GRK3: variants seen among roughly 807,000 people sequenced by gnomAD.
GRK3 encodes the protein G protein-coupled receptor kinase 3.
Under a neutral mutation model 95.7 loss-of-function variants are expected in GRK3, and 54 were observed. The observed-to-expected ratio is 0.56, with a 90% CI of 0.45 to 0.71. The LOEUF (loss-of-function observed/expected upper bound fraction) is 0.71. Ranked by LOEUF, GRK3 falls within the 30% of genes least tolerant of loss-of-function variation. The pLI is 0.00. For missense variants in GRK3, 649 were observed against 851.2 expected (o/e 0.76, Z 2.96); for synonymous variants, 281 against 290.8 (o/e 0.97, Z 0.34).
chr22:25,655,194 AC>A (rs1490303965), intron 3 of GRK3, among the ~76,000 whole-genome samples: 1 of 152,116 alleles, frequency 6.6e-6, no homozygotes, highest in African/African-American at 2.4e-5. Flanking sequence ...CCAAACAGTT[AC>A]CCATTTCCCA....
At chr22:25,590,762 G>A (rs1466879403) in intron 1 of GRK3, among the ~76,000 whole-genome samples, 6 of 152,012 alleles carry the variant, frequency 3.9e-5, no homozygotes, top group African/African-American at 7.2e-5. Context: ...TGGAGGTTGC[G>A]CCACTGCACT....
chr22:25,663,576 T>A, intron 4 of GRK3, 54 bp from the exon 5 acceptor site: 1 of 1,178,436 alleles, frequency 8.5e-7, no homozygotes, highest in East Asian at 2.5e-5. Context: ...TTATATAACA[T>A]ACACAGATTG....
intron 1 of GRK3, among the ~76,000 whole-genome samples, chr22:25,573,916 AAACCAACC>A (rs71191073): frequency 0.11 from 17,278 of 151,622 alleles, 1,326 homozygotes; most frequent in Non-Finnish European, 0.17. Context: ...AGAAACAAAA[AAACCAACC>A]AACCAACCAA....
chr22:25,608,751 C>T (rs573826856), intron 2 of GRK3, among the ~76,000 whole-genome samples: 18 of 152,276 alleles, frequency 1.2e-4, no homozygotes, highest in African/African-American at 4.1e-4. Context: ...GATAAGAACC[C>T]GGGCTGACCG....
chr22:25,654,027 A>G (rs982483470), intron 3 of GRK3, among the ~76,000 whole-genome samples: 5 of 152,306 alleles, frequency 3.3e-5, no homozygotes, highest in Middle Eastern at 3.4e-3. Context: ...AAAATAGATC[A>G]TGTGCTGAGT....
intron 3 of GRK3, among the ~76,000 whole-genome samples, chr22:25,654,018 A>G (rs1412406652): frequency 6.6e-6 from 1 of 152,196 alleles, no homozygotes; most frequent in African/African-American, 2.4e-5. Flanking sequence ...TGGAGCATCA[A>G]AATAGATCAT....
chr22:25,714,523 T>C lies in GRK3; in HGVS notation c.1607T>C (p.Ile536Thr), dbSNP rs2085368247. The part of the protein sequence containing the change: ...YEAVNADTDK[I>T]EARKRAKNKQ... ...GCAGTAAATGCAGACACAGATAAAA[T>C]CGAGGCCAGGAAGAGAGCTAAAAAT... Residue 536 changes from isoleucine (I) to threonine (T), a missense_variant, in exon 18 of 21, where the codon ATC (isoleucine) becomes ACC (threonine). Around this residue, in one of 3 missense-constraint regions of GRK3, gnomAD observed 382 missense variants for 493.8 expected, o/e 0.77. Transcript: ENST00000324198. The C allele has an allele frequency of 6.2e-7, 1 of 1,612,870 alleles. No homozygotes were observed. Among genetic ancestry groups the C allele is most frequent in the Non-Finnish European group, 8.5e-7 (1 of 1,179,620 alleles).
chr22:25,666,982 A>G (rs2084946229), intron 5 of GRK3, among the ~76,000 whole-genome samples: 1 of 152,200 alleles, frequency 6.6e-6, no homozygotes, highest in South Asian at 2.1e-4. Context: ...GTAAAGTGGC[A>G]TGAAGTTGAA....
intron 1 of GRK3, among the ~76,000 whole-genome samples, chr22:25,595,434 TA>T (rs2084366081): frequency 1.3e-5 from 2 of 152,182 alleles, no homozygotes; most frequent in African/African-American, 4.8e-5. Flanking sequence ...TACTTAGGAA[TA>T]CATCAAATTA....
chr22:25,719,706 G>C (rs576508775), intron 19 of GRK3, among the ~76,000 whole-genome samples: 1 of 118,174 alleles, frequency 8.5e-6, no homozygotes, highest in East Asian at 3.2e-4. Flanking sequence ...GGGTGGGGGG[G>C]GGGCCTGGTG....
intron 2 of GRK3, among the ~76,000 whole-genome samples, chr22:25,609,216 G>A (rs2084476125): frequency 6.6e-6 from 1 of 152,122 alleles, no homozygotes; most frequent in Non-Finnish European, 1.5e-5. Flanking sequence ...TATGAAGTGA[G>A]GCACATGGCA....
At chr22:25,647,650 G>A (rs1353057043) in intron 3 of GRK3, 24 of 1,437,498 alleles carry the variant, frequency 1.7e-5, no homozygotes, top group Non-Finnish European at 2.4e-5. Flanking sequence ...AGACTGGTGG[G>A]AAGCAAGATC....
chr22:25,715,944 C>T (rs2085380488), intron 18 of GRK3, among the ~76,000 whole-genome samples: 1 of 152,182 alleles, frequency 6.6e-6, no homozygotes, highest in African/African-American at 2.4e-5. Flanking sequence ...TCTTTTAACT[C>T]TGTTTACCTC....
intron 1 of GRK3, among the ~76,000 whole-genome samples, chr22:25,566,965 TC>T (rs1479689669): frequency 2.0e-5 from 3 of 152,108 alleles, no homozygotes; most frequent in African/African-American, 7.2e-5. Flanking sequence ...GTTTTTTTTT[TC>T]TTGGTGTTTG....
chr22:25,647,450 G>T (rs2084793647), intron 3 of GRK3: 1 of 1,307,984 alleles, frequency 7.6e-7, no homozygotes, highest in Non-Finnish European at 1.1e-6. Context: ...ACCATTTGGA[G>T]GATCCTCAGG....
At chr22:25,711,621 A>C (rs1325570002) in intron 17 of GRK3, among the ~76,000 whole-genome samples, 3 of 152,002 alleles carry the variant, frequency 2.0e-5, no homozygotes, top group African/African-American at 7.3e-5. Context: ...AATCCTCTGC[A>C]TTTTTCGAAC....
At chr22:25,638,171 G>A (rs187454496) in intron 2 of GRK3, among the ~76,000 whole-genome samples, 97 of 152,294 alleles carry the variant, frequency 6.4e-4, no homozygotes, top group Non-Finnish European at 1.1e-3. Flanking sequence ...ACTAGTCTGC[G>A]TACAATGGAA....
At chr22:25,713,025 G>C (rs1411955832) in intron 17 of GRK3, among the ~76,000 whole-genome samples, 1 of 152,210 alleles carries the variant, frequency 6.6e-6, no homozygotes, top group Non-Finnish European at 1.5e-5. Flanking sequence ...GTAAACATAA[G>C]TTCTTTTTTA....
At chr22:25,718,631 T>C (rs1352356866) in intron 19 of GRK3, among the ~76,000 whole-genome samples, 4 of 152,194 alleles carry the variant, frequency 2.6e-5, no homozygotes, top group African/African-American at 9.7e-5. Context: ...ATCAGATGGA[T>C]TTGAAGAAGG....
Sources: gnomAD v4.1 joint callset for allele counts (sites outside exome capture counted in the v4.1 genomes callset) on GRCh38, gnomAD v4.1.1 for gene constraint, gnomAD v4.1.1 regional missense constraint, MANE v1.5 for transcripts, NCBI Gene and HGNC (gene_info 2026-07-23, HGNC 2026-07-21) for gene names.